The following LAMA4 variants were observed in gnomAD, a reference collection of about 807,000 sequenced individuals.
LAMA4 encodes laminin subunit alpha-4.
Under a neutral mutation model 207.1 loss-of-function variants are expected in LAMA4, and 127 were observed. The ratio of observed to expected loss-of-function variants is 0.61; its 90% CI spans 0.53 to 0.71. The LOEUF (loss-of-function observed/expected upper bound fraction) is 0.71, where lower values mean the gene tolerates loss of function less well. Ranked by LOEUF, LAMA4 falls within the 30% of genes least tolerant of loss-of-function variation. The probability of loss-of-function intolerance (pLI) is 0.00; values close to 1 mark genes in which losing one functional copy is unlikely to be tolerated. For synonymous variants in LAMA4, 761 were observed against 816.0 expected (o/e 0.93, Z 1.15); for missense variants, 2,093 against 2,246.5 (o/e 0.93, Z 1.38).
intron 36 of LAMA4, among the ~76,000 whole-genome samples, chr6:112,115,226 C>G (rs986788811): frequency 6.6e-6 from 1 of 152,098 alleles, no homozygotes; most frequent in Admixed American, 6.6e-5. Flanking sequence ...TAGTACCCAA[C>G]AAATAGTAAA....
At chr6:112,129,316 T>G (rs1049267705) in intron 30 of LAMA4, among the ~76,000 whole-genome samples, 1 of 152,210 alleles carries the variant, frequency 6.6e-6, no homozygotes, top group Non-Finnish European at 1.5e-5. Flanking sequence ...AATGAATATC[T>G]TTTCCCTCAA....
At position 112,139,903 on chromosome 6, in the gene LAMA4, T is replaced by C; in HGVS notation, c.2977-18A>G. The C allele has an allele frequency of 6.2e-7, 1 of 1,613,500 alleles. No individual in the cohort carries two copies. Among genetic ancestry groups the C allele is most frequent in the Non-Finnish European group, 8.5e-7 (1 of 1,179,482 alleles). On this transcript the variant is annotated intron_variant, in intron 22 of 38. Coordinates refer to ENST00000230538, the MANE Select transcript of LAMA4 (RefSeq NM_001105206.3). ...GTAGGGAGCTATGCAATAGAAAAAG[T>C]AAAACCACTTGTCTCATGGTCATAT...
intron 38 of LAMA4, among the ~76,000 whole-genome samples, chr6:112,113,762 G>T (rs1777841868): frequency 6.6e-6 from 1 of 152,158 alleles, no homozygotes; most frequent in African/African-American, 2.4e-5. Context: ...GTTAGTCAAT[G>T]AGTTTTCTTT....
chr6:112,154,557 G>T (rs565196755), intron 16 of LAMA4, among the ~76,000 whole-genome samples: 1 of 152,074 alleles, frequency 6.6e-6, no homozygotes, highest in South Asian at 2.1e-4. Flanking sequence ...CTAAAAATTG[G>T]TATTTATGGT....
chr6:112,171,054 G>T (rs1781679072), intron 12 of LAMA4, among the ~76,000 whole-genome samples: 1 of 152,184 alleles, frequency 6.6e-6, no homozygotes, highest in South Asian at 2.1e-4. Context: ...AAGAGCATAG[G>T]CTGTCCACAG....
rs145897390 is a variant in LAMA4, at chr6:112,109,565, G to C, written c.5344C>G (p.Arg1782Gly). ...GGVPESLLTPRLAPSKPFTGC... is the reference protein window; with the variant it reads ...GGVPESLLTPGLAPSKPFTGC... ...GTGAAGGGTTTGCTGGGGGCCAAGCGTGGTGTCAGTAGAGATTCTGAAAAG... is the reference window on the plus strand; with the variant it reads ...GTGAAGGGTTTGCTGGGGGCCAAGCCTGGTGTCAGTAGAGATTCTGAAAAG... The change falls in exon 39 of 39, where the codon CGC becomes GGC. Residue 1782 changes from arginine (R) to glycine (G), a missense_variant. Physicochemically the swap from Arg to Gly is moderately radical, Grantham distance 125 (BLOSUM62 -2). Around this residue, in one of 3 missense-constraint regions of LAMA4, gnomAD observed 383 missense variants for 437.8 expected, o/e 0.87. Coordinates refer to ENST00000230538, the MANE Select transcript of LAMA4 (RefSeq NM_001105206.3). 1.9e-6 allele frequency: 3 copies of C among 1,614,076 alleles called. No individual in the cohort carries two copies. Among genetic ancestry groups the C allele is most frequent in the Non-Finnish European group, 1.7e-6 (2 of 1,179,976 alleles).
chr6:112,252,159 A>G (rs1363457255), intron 2 of LAMA4, among the ~76,000 whole-genome samples: 1 of 152,226 alleles, frequency 6.6e-6, no homozygotes, highest in Non-Finnish European at 1.5e-5. Context: ...ATTTCATTAC[A>G]ATAAAAGTAT....
At chr6:112,200,898 G>C (rs375691561) in intron 5 of LAMA4, among the ~76,000 whole-genome samples, 2 of 152,114 alleles carry the variant, frequency 1.3e-5, no homozygotes, top group Admixed American at 6.5e-5. Context: ...GGGGGGCAAG[G>C]GGAGGGATAG....
intron 2 of LAMA4, among the ~76,000 whole-genome samples, chr6:112,248,651 A>G (rs1482466630): frequency 2.6e-5 from 4 of 152,230 alleles, no homozygotes; most frequent in Non-Finnish European, 4.4e-5. Flanking sequence ...AATAAATTCC[A>G]TAACATAGAC....
intron 2 of LAMA4, among the ~76,000 whole-genome samples, chr6:112,230,320 C>A (rs1336669618): frequency 6.6e-6 from 1 of 152,170 alleles, no homozygotes; most frequent in Non-Finnish European, 1.5e-5. Context: ...GCAATCTGTT[C>A]CTTGCAGTGG....
intron 2 of LAMA4, among the ~76,000 whole-genome samples, chr6:112,247,813 A>G (rs1787103266): frequency 6.6e-6 from 1 of 152,258 alleles, no homozygotes; most frequent in Non-Finnish European, 1.5e-5. Context: ...CATTACTCAC[A>G]GTAGCCAAAA....
At chr6:112,188,223 C>T (rs868935107) in intron 7 of LAMA4, among the ~76,000 whole-genome samples, 20 of 152,136 alleles carry the variant, frequency 1.3e-4, no homozygotes, top group African/African-American at 4.6e-4. Context: ...GGGAGACTGG[C>T]GTGTTAATGG....
intron 19 of LAMA4, 78 bp downstream of exon 19, chr6:112,144,716 G>A (rs1779912604): frequency 1.3e-6 from 2 of 1,535,344 alleles, no homozygotes; most frequent in Admixed American, 1.7e-5. Flanking sequence ...CCAGGCTCTG[G>A]AAGCTGCCCA....
intron 30 of LAMA4, 129 bp downstream of exon 30, chr6:112,129,747 A>C: frequency 2.6e-6 from 2 of 767,708 alleles, no homozygotes; most frequent in Non-Finnish European, 4.2e-6. Context: ...TCTCAAGCAC[A>C]TAAAAGCTTT....
rs1168076549 is a variant in LAMA4, at chr6:112,191,745, A to C, written c.609T>G (p.Asp203Glu). The C allele has an allele frequency of 6.2e-7, 1 of 1,614,130 alleles. No individual in the cohort carries two copies. Residue 203 changes from aspartate (D) to glutamate (E), a missense_variant, in exon 6 of 39, where the codon GAT (aspartate) becomes GAG (glutamate). By Grantham distance (45) the Asp-to-Glu change is conservative (BLOSUM62 2). This residue lies in a region of LAMA4 where 1,704 missense variants were observed against 1,788.4 expected (regional missense o/e 0.95). Coordinates refer to ENST00000230538, the MANE Select transcript of LAMA4 (RefSeq NM_001105206.3). The part of the protein sequence containing the change: ...SDPNLIFEDC[D>E]EVTGQCRNCL... ...AATTCCTACACTGGCCAGTGACTTC[A>C]TCACAATCTTCAAAGATCAGGTTGG...
In LAMA4 at chr6:112,144,793, C is replaced by T. The variant is rs1779920553; in HGVS notation, c.2493+1G>A. 6.2e-7 allele frequency: 1 copy of T among 1,613,274 alleles called. No homozygotes were observed. Among genetic ancestry groups the T allele is most frequent in the South Asian group, 1.1e-5 (1 of 91,054 alleles). ...GACTGATGAGTCTTTTCATCAGTTA[C>T]CTTGCTGGCAACACTTCTGGTCTGA... On this transcript the variant is annotated splice_donor_variant, in intron 19 of 38. Coordinates refer to ENST00000230538, the MANE Select transcript of LAMA4 (RefSeq NM_001105206.3). LOFTEE classifies it high-confidence loss of function.
intron 2 of LAMA4, among the ~76,000 whole-genome samples, chr6:112,238,571 G>A (rs1221678226): frequency 2.6e-5 from 4 of 152,116 alleles, no homozygotes; most frequent in South Asian, 2.1e-4. Context: ...TTAGTCAGGC[G>A]TACTGGGCAC....
chr6:112,128,867 C>T (rs1027722079), intron 31 of LAMA4, 55 bp downstream of exon 31: 5 of 1,487,808 alleles, frequency 3.4e-6, no homozygotes, highest in Admixed American at 1.7e-5. Context: ...GTGTCTAGAA[C>T]TGTGTGCATG....
At chr6:112,222,411 C>A (rs548792042) in intron 2 of LAMA4, among the ~76,000 whole-genome samples, 1 of 152,274 alleles carries the variant, frequency 6.6e-6, no homozygotes, top group South Asian at 2.1e-4. Context: ...CCCTACTTGG[C>A]CTAGAGAGTT....
Sources: allele counts gnomAD v4.1 joint callset (sites outside exome capture counted in the v4.1 genomes callset), GRCh38; gene constraint gnomAD v4.1.1; regional missense constraint gnomAD v4.1.1; transcripts MANE v1.5; gene names NCBI Gene and HGNC (gene_info 2026-07-23, HGNC 2026-07-21).